NFKB2: variants seen among roughly 807,000 people sequenced by gnomAD.
NFKB2 encodes the protein nuclear factor kappa B subunit 2.
NFKB2 carries 21 observed loss-of-function variants against 109.3 expected under a neutral mutation model. The ratio of observed to expected loss-of-function variants is 0.19; its 90% CI spans 0.14 to 0.28. NFKB2 has a LOEUF of 0.28. Ranked by LOEUF, NFKB2 falls within the 10% of genes least tolerant of loss-of-function variation. The pLI is 1.00. For missense variants in NFKB2, 806 were observed against 1,185.3 expected (o/e 0.68, Z 4.70); for synonymous variants, 478 against 489.9 (o/e 0.98, Z 0.32).
At chr10:102,395,195 G>GGA (rs148169423), upstream of NFKB2, among the ~76,000 whole-genome samples, 1 of 151,348 alleles carries the variant, frequency 6.6e-6, no homozygotes, top group Non-Finnish European at 1.5e-5. Context: ...GTGAGGTTTG[G>GGA]GAGAGAGAGA....
Position 102,399,585 on chromosome 10 carries a change from T to A in NFKB2, c.1336T>A (p.Tyr446Asn), listed in dbSNP as rs923455527. 3.9e-6 allele frequency: 6 copies of A among 1,550,432 alleles called. No homozygotes were observed. The highest frequency in any genetic ancestry group is 5.2e-6 in the Non-Finnish European group (6 of 1,147,732). Residue 446 changes from tyrosine (Y) to asparagine (N), a missense_variant, in exon 14 of 23, where the codon TAC (tyrosine) becomes AAC (asparagine). Tyr to Asn is a moderately radical substitution (Grantham distance 143, BLOSUM62 -2). Coordinates refer to ENST00000661543, the MANE Select transcript of NFKB2 (RefSeq NM_001322934.2). ...APEMLQRAREYNARLFGLAQR... is the reference protein window; with the variant it reads ...APEMLQRARENNARLFGLAQR... The stretch of plus-strand genomic sequence containing the variant: ...CCCTCTGTGGCCCGTAGCTCGAGAG[T>A]ACAACGCGCGCCTGTTCGGCCTGGC...
chr10:102,399,895 G>A (rs1451142964), intron 14 of NFKB2, 177 bp downstream of exon 14: 1 of 1,110,540 alleles, frequency 9.0e-7, no homozygotes, highest in East Asian at 2.6e-5. Flanking sequence ...CCGTGCAAGG[G>A]GTACAGTCAT....
chr10:102,396,256 C>G lies in NFKB2; in HGVS notation c.25C>G (p.Leu9Val). 1 of 1,605,654 alleles carries G rather than the reference C, an allele frequency of 6.2e-7. No homozygotes were observed. The highest frequency in any genetic ancestry group is 1.7e-4 in the Middle Eastern group (1 of 6,038). Reference sequence around the variant, plus strand: ...CCCCAGTCTGTCTCCAAACCAGGGTCTGGATGGTATTATTGAATATGATGA... The same window carrying G: ...CCCCAGTCTGTCTCCAAACCAGGGTGTGGATGGTATTATTGAATATGATGA... MESCYNPG[L>V]DGIIEYDDFK... The change falls in exon 3 of 23, where the codon CTG (leucine) becomes GTG (valine). Residue 9 changes from leucine (L) to valine (V), a missense_variant. This residue lies in a region of NFKB2 where 39 missense variants were observed against 35.6 expected (regional missense o/e 1.09). Coordinates refer to ENST00000661543, the MANE Select transcript of NFKB2 (RefSeq NM_001322934.2). This position sits in a 1 kb window ranked among gnomAD's most constrained non-coding sequence, Gnocchi z 5.9.
At position 102,400,281 on chromosome 10, in the gene NFKB2, C is replaced by G; in HGVS notation, c.1588C>G (p.Pro530Ala). 6.2e-7 allele frequency: 1 copy of G among 1,614,090 alleles called. No individual in the cohort carries two copies. Among genetic ancestry groups the G allele is most frequent in the Middle Eastern group, 1.6e-4 (1 of 6,062 alleles). ...VNLTNHLHQT[P>A]LHLAVITGQT... ...CTCACCCTGCTTTCATCCCCAGACGCCCCTGCACCTGGCGGTGATCACGGG... is the reference window on the plus strand; with the variant it reads ...CTCACCCTGCTTTCATCCCCAGACGGCCCTGCACCTGGCGGTGATCACGGG... The change falls in exon 16 of 23, where the codon CCC becomes GCC. Residue 530 changes from proline (P) to alanine (A), a missense_variant. Transcript: ENST00000661543. The surrounding 1 kb of genome is among the most constrained non-coding windows in gnomAD (Gnocchi z 6.3).
At position 102,399,573 on chromosome 10, in the gene NFKB2, G is replaced by A. The variant is rs1048005855; in HGVS notation, c.1328-4G>A. The A allele has an allele frequency of 3.2e-6, 5 of 1,549,514 alleles. No individual in the cohort carries two copies. Among genetic ancestry groups the A allele is most frequent in the African/African-American group, 1.4e-5 (1 of 72,480 alleles). On this transcript the variant is annotated splice_region_variant and splice_polypyrimidine_tract_variant and intron_variant, in intron 13 of 22. Transcript: ENST00000661543. ...CCCTGACCCACGCCCTCTGTGGCCC[G>A]TAGCTCGAGAGTACAACGCGCGCCT... is the stretch of plus-strand genomic sequence containing the variant.
Position 102,396,055 on chromosome 10 carries a change from T to C in NFKB2, c.21+75T>C, listed in dbSNP as rs1275575292. On this transcript the variant is annotated intron_variant, in intron 2 of 22. Coordinates refer to ENST00000661543, the MANE Select transcript of NFKB2 (RefSeq NM_001322934.2). The surrounding 1 kb of genome is among the most constrained non-coding windows in gnomAD (Gnocchi z 5.9). ...TCCACCTGTCTGCCCGAGCCCCCTC[T>C]GCTGCCTTACACCTGTATGCTCGCA... The C allele has an allele frequency of 3.1e-6, 5 of 1,590,914 alleles. No individual in the cohort carries two copies. The South Asian group carries it at 5.5e-5, about 18-fold the overall frequency.
In NFKB2 at chr10:102,400,058, ACT is replaced by A. The variant is rs1589866859; in HGVS notation, c.1470-18_1470-17del. 2 of 1,609,354 alleles carry A rather than the reference ACT, an allele frequency of 1.2e-6. No individual in the cohort carries two copies. Among genetic ancestry groups the A allele is most frequent in the Non-Finnish European group, 8.5e-7 (1 of 1,176,286 alleles). Reference sequence around the variant, plus strand: ...AGGATGCTCTGAGTGGCTGGGCCAGACTCTCGCTCCCCAACCCCCAGACCACT... The same window carrying A: ...AGGATGCTCTGAGTGGCTGGGCCAGACTCGCTCCCCAACCCCCAGACCACT... On this transcript the variant is annotated intron_variant, in intron 14 of 22. Transcript: ENST00000661543. The surrounding 1 kb of genome is among the most constrained non-coding windows in gnomAD (Gnocchi z 6.3).
In NFKB2 at chr10:102,401,800, C is replaced by T. The variant is rs762058625; in HGVS notation, c.2349C>T (p.Asp783=). The stretch of plus-strand genomic sequence containing the variant: ...TGCAGAACCTGGAGCAGCTGCTAGA[C>T]GGGCCAGAAGCCCAGGGCAGCTGGG... The part of the protein sequence containing the change: ...TALQNLEQLL[D]GPEAQGSWAE... Residue 783 remains aspartate (D), a synonymous_variant, in exon 21 of 23, where the codon GAC becomes GAT. Transcript: ENST00000661543. This position sits in a 1 kb window ranked among gnomAD's most constrained non-coding sequence, Gnocchi z 4.2. 65 of 1,613,624 alleles carry T rather than the reference C, an allele frequency of 4.0e-5. No individual in the cohort carries two copies. In the Admixed American group the frequency reaches 5.2e-4, roughly 13 times the overall value.
Position 102,395,739 on chromosome 10 carries a change from C to A in NFKB2, c.-130C>A, listed in dbSNP as rs2061095715. 3.3e-6 allele frequency: 2 copies of A among 602,510 alleles called. No individual in the cohort carries two copies. The highest frequency in any genetic ancestry group is 5.6e-5 in the Admixed American group (2 of 35,488). The allele number at this position is 602,510 out of a possible 1,614,324, so 37.3% of individuals were successfully genotyped here. ...GCCCCTTCCCCGGCCAAGCCCAACT[C>A]CGGATCTCGCTCTCCACCGGATCTC... On this transcript the variant is annotated 5_prime_UTR_variant, in exon 1 of 23. Coordinates refer to ENST00000661543, the MANE Select transcript of NFKB2 (RefSeq NM_001322934.2).
Position 102,402,411 on chromosome 10 carries a change from C to A in NFKB2, c.*35C>A. The A allele has an allele frequency of 7.6e-7, 1 of 1,308,984 alleles. No individual in the cohort carries two copies. The highest frequency in any genetic ancestry group is 1.1e-6 in the Non-Finnish European group (1 of 946,872). 81.1% of individuals were successfully genotyped at this position (1,308,984 alleles called of 1,614,324 possible). ...TGCCCCCAGCCCCCTTCCCGGACCCCCTGTACAGCGTCCCCACCTATTTCA... is the reference window on the plus strand; with the variant it reads ...TGCCCCCAGCCCCCTTCCCGGACCCACTGTACAGCGTCCCCACCTATTTCA... On this transcript the variant is annotated 3_prime_UTR_variant, in exon 23 of 23. Transcript: ENST00000661543.
intron 22 of NFKB2, 45 bp from the exon 23 acceptor site, chr10:102,402,207 G>A (rs776712590): frequency 3.2e-6 from 5 of 1,553,404 alleles, no homozygotes; most frequent in South Asian, 1.2e-5. Flanking sequence ...AGGGCCGGAG[G>A]CCTGAGGCTT....
At position 102,402,356 on chromosome 10, in the gene NFKB2, C is replaced by A; in HGVS notation, c.2683C>A (p.Pro895Thr). The A allele has an allele frequency of 6.4e-7, 1 of 1,556,176 alleles. No individual in the cohort carries two copies. The part of the protein sequence containing the change: ...EPPGGLCHGH[P>T]QPQVH Reference sequence around the variant, plus strand: ...ACCAGGAGGGCTCTGCCACGGGCACCCCCAGCCTCAGGTGCACTGACCTGC... The same window carrying A: ...ACCAGGAGGGCTCTGCCACGGGCACACCCAGCCTCAGGTGCACTGACCTGC... Residue 895 changes from proline (P) to threonine (T), a missense_variant, in exon 23 of 23, where the codon CCC (proline) becomes ACC (threonine). Pro to Thr is a conservative substitution (Grantham distance 38, BLOSUM62 -1). This residue lies in a region of NFKB2 where 211 missense variants were observed against 268.7 expected (regional missense o/e 0.79). Transcript: ENST00000661543.
rs1431845708 is a variant in NFKB2 at position 102,397,271 on chromosome 10, T to C, written c.396-31T>C. 3 of 1,604,090 alleles carry C rather than the reference T, an allele frequency of 1.9e-6. No homozygotes were observed. The highest frequency in any genetic ancestry group is 1.7e-6 in the Non-Finnish European group (2 of 1,171,314). ...GGTGCCTCAGGAAGAAAGAACTGCA[T>C]GGCCAAAGGCCTCCGATTCTCTCTT... On this transcript the variant is annotated intron_variant, in intron 6 of 22. Transcript: ENST00000661543. This position sits in a 1 kb window ranked among gnomAD's most constrained non-coding sequence, Gnocchi z 4.7.
Position 102,396,504 on chromosome 10 carries a change from G to A in NFKB2, c.144+15G>A, listed in dbSNP as rs768965438. On this transcript the variant is annotated intron_variant, in intron 4 of 22. Coordinates refer to ENST00000661543, the MANE Select transcript of NFKB2 (RefSeq NM_001322934.2). This position sits in a 1 kb window ranked among gnomAD's most constrained non-coding sequence, Gnocchi z 5.9. ...AGCCTAAGCAGGTGAGTGAGCAAAA[G>A]GGAGGGTGTGGAATGGCTTCAGCTT... is the stretch of plus-strand genomic sequence containing the variant. The A allele has an allele frequency of 6.2e-7, 1 of 1,613,852 alleles. No homozygotes were observed. Among genetic ancestry groups the A allele is most frequent in the Non-Finnish European group, 8.5e-7 (1 of 1,180,008 alleles).
rs1465633528 is a variant in NFKB2, at chr10:102,402,319, AC to A, written c.2651del (p.Pro884LeufsTer53). On this transcript the variant is annotated frameshift_variant, in exon 23 of 23. Coordinates refer to ENST00000661543, the MANE Select transcript of NFKB2 (RefSeq NM_001322934.2). LOFTEE classifies it high-confidence loss of function. Reference sequence around the variant, plus strand: ...AGCAGGAGGCAGAGAAGCTGGGCCCACCCCCTGAGCCACCAGGAGGGCTCTG... The same window carrying A: ...AGCAGGAGGCAGAGAAGCTGGGCCCACCCCTGAGCCACCAGGAGGGCTCTG... Reference protein sequence around the residue: ...VEQEAEKLGPPPEPPGGLCHG... With the variant: ...VEQEAEKLGPXPEPPGGLCHG... 1.3e-6 allele frequency: 2 copies of A among 1,567,554 alleles called. No individual in the cohort carries two copies. The highest frequency in any genetic ancestry group is 2.4e-5 in the East Asian group (1 of 42,344).
rs566469137 is a variant in NFKB2, at chr10:102,402,037, T to C, written c.2467-11T>C. Reference sequence around the variant, plus strand: ...AACCATGACTCAGACCTCATTCCTCTGTCTTCTCAGCTGGCTGGCGGGGAC... The same window carrying C: ...AACCATGACTCAGACCTCATTCCTCCGTCTTCTCAGCTGGCTGGCGGGGAC... On this transcript the variant is annotated splice_polypyrimidine_tract_variant and intron_variant, in intron 21 of 22. Transcript: ENST00000661543. 11 of 1,570,252 alleles carry C rather than the reference T, an allele frequency of 7.0e-6. No individual in the cohort carries two copies. In the South Asian group the frequency reaches 1.0e-4, roughly 15 times the overall value.
upstream of NFKB2, among the ~76,000 whole-genome samples, chr10:102,395,420 G>C (rs893103606): frequency 6.6e-6 from 1 of 152,208 alleles, no homozygotes; most frequent in Non-Finnish European, 1.5e-5. Context: ...CTCCAGACCG[G>C]GGGAGGGGAG....
Position 102,396,506 on chromosome 10 carries a change from G to C in NFKB2, c.144+17G>C, listed in dbSNP as rs1343044196. The C allele has an allele frequency of 1.2e-6, 2 of 1,613,890 alleles. No individual in the cohort carries two copies. Among genetic ancestry groups the C allele is most frequent in the Admixed American group, 3.3e-5 (2 of 60,016 alleles). ...CCTAAGCAGGTGAGTGAGCAAAAGG[G>C]AGGGTGTGGAATGGCTTCAGCTTTG... is the stretch of plus-strand genomic sequence containing the variant. On this transcript the variant is annotated intron_variant, in intron 4 of 22. Coordinates refer to ENST00000661543, the MANE Select transcript of NFKB2 (RefSeq NM_001322934.2). The surrounding 1 kb of genome is among the most constrained non-coding windows in gnomAD (Gnocchi z 5.9).
chr10:102,398,623 A>G lies in NFKB2; in HGVS notation c.991+100A>G. ...TGTGGGGATGCATGAGCCAAGTCAGAAGTGCGAGGGTCCCAGGAGGTGCTT... is the reference window on the plus strand; with the variant it reads ...TGTGGGGATGCATGAGCCAAGTCAGGAGTGCGAGGGTCCCAGGAGGTGCTT... On this transcript the variant is annotated intron_variant, in intron 11 of 22. Coordinates refer to ENST00000661543, the MANE Select transcript of NFKB2 (RefSeq NM_001322934.2). The surrounding 1 kb of genome is among the most constrained non-coding windows in gnomAD (Gnocchi z 6.6). 1.2e-6 allele frequency: 2 copies of G among 1,610,398 alleles called. No individual in the cohort carries two copies. Among genetic ancestry groups the G allele is most frequent in the Non-Finnish European group, 1.7e-6 (2 of 1,178,628 alleles).
Sources: gnomAD v4.1 joint callset for allele counts (sites outside exome capture counted in the v4.1 genomes callset) on GRCh38, gnomAD v4.1.1 for gene constraint, gnomAD v4.1.1 regional missense constraint, Gnocchi (gnomAD v3.1) non-coding constraint, MANE v1.5 for transcripts, NCBI Gene and HGNC (gene_info 2026-07-23, HGNC 2026-07-21) for gene names.